The following ZNF385D variants were observed in gnomAD, a reference collection of about 807,000 sequenced individuals.
ZNF385D encodes the protein zinc finger protein 659.
A neutral mutation model predicts 35.8 loss-of-function variants in ZNF385D; 15 were observed. The observed-to-expected ratio is 0.42, with a 90% CI of 0.28 to 0.64. The LOEUF (loss-of-function observed/expected upper bound fraction) is 0.64, where lower values mean the gene tolerates loss of function less well. ZNF385D is among the 30% of genes least tolerant of loss of function. The probability of loss-of-function intolerance (pLI) is 0.23; values close to 1 mark genes in which losing one functional copy is unlikely to be tolerated. For synonymous variants in ZNF385D, 212 were observed against 186.8 expected, an observed-to-expected ratio of 1.13 and a Z score of -1.10; for missense variants, 474 against 494.6, an observed-to-expected ratio of 0.96 and a Z score of 0.39.
rs138082696 is a variant in ZNF385D, at chr3:22,206,949, C to T, written c.107-37914G>A. 3.7e-3 allele frequency among the ~76,000 whole-genome samples: 560 copies of T among 151,324 alleles called. 6 individuals carry two copies. The highest frequency in any genetic ancestry group is 0.013 in the African/African-American group (521 of 41,320). On this transcript the variant is annotated intron_variant, in intron 2 of 5. Transcript: ENST00000494108. Reference sequence around the variant, plus strand: ...TAAATGAAATTGAAACAAAAAATACCGAAGACTACAAAATGAAAAGTTTTT... The same window carrying T: ...TAAATGAAATTGAAACAAAAAATACTGAAGACTACAAAATGAAAAGTTTTT...
chr3:22,067,799 G>A (rs1038013839), intron 3 of ZNF385D, among the ~76,000 whole-genome samples: 3 of 152,096 alleles, frequency 2.0e-5, no homozygotes, highest in Non-Finnish European at 2.9e-5. Context: ...TGAGGTGGGC[G>A]GATCATGAGG....
intron 2 of ZNF385D, among the ~76,000 whole-genome samples, chr3:22,174,260 G>T (rs1035383941): frequency 6.6e-5 from 10 of 152,090 alleles, no homozygotes; most frequent in East Asian, 1.9e-4. Flanking sequence ...TAACAAGCCA[G>T]GTTACATCGT....
At chr3:21,650,108 G>A (rs1282370789) in intron 2 of ZNF385D, among the ~76,000 whole-genome samples, 1 of 152,038 alleles carries the variant, frequency 6.6e-6, no homozygotes, top group African/African-American at 2.4e-5. Flanking sequence ...AAGGAAGGCA[G>A]GTATCCTGGA....
rs1466461890 is a variant in ZNF385D at position 21,412,359 on chromosome 3, TCAGAA to T, written c.*8850_*8854del. ...GTGTTATATAGGTTTACCATAACTC[TCAGAA>T]CAGGAGTATATTACAAACAAGTGGA... On this transcript the variant is annotated 3_prime_UTR_variant, in exon 8 of 8. Coordinates refer to ENST00000281523, the MANE Select transcript of ZNF385D (RefSeq NM_024697.3). The T allele has an allele frequency of 3.3e-5, 5 of 152,042 alleles. No individual in the cohort carries two copies. In the East Asian group the frequency reaches 9.6e-4, roughly 29 times the overall value. 9.4% of individuals were successfully genotyped at this position (152,042 alleles called of 1,614,324 possible).
At chr3:21,871,020 G>A (rs1227301401) in intron 3 of ZNF385D, among the ~76,000 whole-genome samples, 5 of 152,112 alleles carry the variant, frequency 3.3e-5, no homozygotes, top group African/African-American at 1.2e-4. Context: ...CTAATAGCTT[G>A]TTCTTACAAG....
intron 3 of ZNF385D, among the ~76,000 whole-genome samples, chr3:21,757,157 T>C (rs2070381940): frequency 1.6e-5 from 2 of 128,552 alleles, no homozygotes; most frequent in Middle Eastern, 4.8e-3. Flanking sequence ...TGAGATGGTG[T>C]CTCACTCTCT....
intron 4 of ZNF385D, among the ~76,000 whole-genome samples, chr3:21,440,962 T>C (rs1466289855): frequency 1.3e-5 from 2 of 152,104 alleles, no homozygotes; most frequent in African/African-American, 4.8e-5. Flanking sequence ...AAATCTAGTG[T>C]GTATTATCTT....
chr3:22,240,589 G>C (rs1170462435), intron 2 of ZNF385D, among the ~76,000 whole-genome samples: 1 of 150,900 alleles, frequency 6.6e-6, no homozygotes, highest in African/African-American at 2.5e-5. Context: ...TGCACAATGT[G>C]ACCTTCCAGG....
At chr3:22,205,399 A>T (rs1481643129) in intron 2 of ZNF385D, among the ~76,000 whole-genome samples, 3 of 151,890 alleles carry the variant, frequency 2.0e-5, no homozygotes, top group Non-Finnish European at 2.9e-5. Context: ...GAAAAAAAAA[A>T]GAAAACATTT....
At chr3:22,134,939 GATT>G (rs1185072376) in intron 3 of ZNF385D, among the ~76,000 whole-genome samples, 2 of 152,128 alleles carry the variant, frequency 1.3e-5, no homozygotes, top group African/African-American at 4.8e-5. Flanking sequence ...GTACGTAGAA[GATT>G]ATGTTTCCAG....
chr3:21,616,661 G>A (rs2064856047), intron 2 of ZNF385D, among the ~76,000 whole-genome samples: 1 of 151,954 alleles, frequency 6.6e-6, no homozygotes, highest in African/African-American at 2.4e-5. Context: ...ATTTCATATT[G>A]CTTATTATAC....
At chr3:21,608,347 T>C (rs2064560564) in intron 2 of ZNF385D, among the ~76,000 whole-genome samples, 2 of 152,132 alleles carry the variant, frequency 1.3e-5, no homozygotes, top group South Asian at 2.1e-4. Flanking sequence ...TCTTTCAGGA[T>C]TGTCGTTAGT....
intron 3 of ZNF385D, among the ~76,000 whole-genome samples, chr3:21,790,989 G>A (rs2071904629): frequency 6.6e-6 from 1 of 152,130 alleles, no homozygotes; most frequent in African/African-American, 2.4e-5. Flanking sequence ...CCAATGCGAA[G>A]AAATACACAG....
At chr3:22,283,029 G>A (rs779440576) in intron 2 of ZNF385D, among the ~76,000 whole-genome samples, 26 of 152,090 alleles carry the variant, frequency 1.7e-4, no homozygotes, top group South Asian at 6.2e-4. Context: ...GTGAGCAGGA[G>A]TAACTATTTT....
intron 3 of ZNF385D, among the ~76,000 whole-genome samples, chr3:21,822,436 G>A (rs1318907210): frequency 6.6e-6 from 1 of 152,006 alleles, no homozygotes; most frequent in Non-Finnish European, 1.5e-5. Flanking sequence ...CTAAACCTCA[G>A]CACTGATTAA....
chr3:21,964,469 GA>G lies in ZNF385D; in HGVS notation c.325+204347del, dbSNP rs1702782887. Among the ~76,000 whole-genome samples, 12 of 73,658 alleles carry G rather than the reference GA, an allele frequency of 1.6e-4. 1 individual carries two copies. Among genetic ancestry groups the G allele is most frequent in the Admixed American group, 3.4e-4 (2 of 5,808 alleles). 48.3% of individuals were successfully genotyped at this position (73,658 alleles called of 152,430 possible). On this transcript the variant is annotated intron_variant, in intron 3 of 5. Coordinates refer to the ZNF385D transcript ENST00000494108. Reference sequence around the variant, plus strand: ...AAAGAAAAAGATGTCCAATTTCTCAGATTTTTTTTTTTTTTTTTTTTTTTTT... The same window carrying G: ...AAAGAAAAAGATGTCCAATTTCTCAGTTTTTTTTTTTTTTTTTTTTTTTTT...
chr3:21,428,275 T>C (rs1391850775), intron 5 of ZNF385D, among the ~76,000 whole-genome samples: 6 of 152,244 alleles, frequency 3.9e-5, no homozygotes, highest in African/African-American at 1.4e-4. Flanking sequence ...GCTAAATTTT[T>C]TACCTGCTCA....
intron 3 of ZNF385D, among the ~76,000 whole-genome samples, chr3:22,097,578 G>T (rs977838873): frequency 6.6e-5 from 10 of 152,026 alleles, no homozygotes; most frequent in Admixed American, 6.6e-4. Context: ...AGAGCAAAAT[G>T]ACTTCTTCTC....
chr3:21,706,745 C>A (rs2067913120), intron 1 of ZNF385D, among the ~76,000 whole-genome samples: 1 of 152,080 alleles, frequency 6.6e-6, no homozygotes, highest in Non-Finnish European at 1.5e-5. Context: ...GTTAAGGTAA[C>A]AGAGCACCAC....
Sources: gnomAD v4.1 joint callset for allele counts (sites outside exome capture counted in the v4.1 genomes callset) on GRCh38, gnomAD v4.1.1 for gene constraint, MANE v1.5 for transcripts, NCBI Gene and HGNC (gene_info 2026-07-23, HGNC 2026-07-21) for gene names.